Variants in PDE10A observed in about 807,000 individuals in gnomAD.
The protein encoded by PDE10A is cAMP and cAMP-inhibited cGMP 3',5'-cyclic phosphodiesterase 10A.
PDE10A carries 39 observed loss-of-function variants against 97.7 expected under a neutral mutation model. The ratio of observed to expected loss-of-function variants is 0.40; its 90% confidence interval spans 0.31 to 0.52. The LOEUF (loss-of-function observed/expected upper bound fraction) is 0.52. PDE10A is among the 20% of genes least tolerant of loss of function. The pLI is 0.56. For synonymous variants in PDE10A, 371 were observed against 376.8 expected (o/e 0.98, Z 0.18); for missense variants, 731 against 1,047.8 (o/e 0.70, Z 4.17).
chr6:165,810,312 G>A (rs1208266318), intron 1 of PDE10A, among the ~76,000 whole-genome samples: 1 of 152,186 alleles, frequency 6.6e-6, no homozygotes, highest in Non-Finnish European at 1.5e-5. Flanking sequence ...CTGTTGAATG[G>A]TGGGGTGTGG....
intron 10 of PDE10A, among the ~76,000 whole-genome samples, chr6:165,422,262 C>A (rs1562450613): frequency 6.6e-6 from 1 of 151,888 alleles, no homozygotes; most frequent in East Asian, 1.9e-4. Context: ...CTCCCTTATA[C>A]ACACACATAC....
At chr6:165,724,182 A>C (rs980060997) in intron 1 of PDE10A, among the ~76,000 whole-genome samples, 1 of 152,214 alleles carries the variant, frequency 6.6e-6, no homozygotes, top group African/African-American at 2.4e-5. Context: ...TACTAGGAAA[A>C]ATTGGAAAGT....
At chr6:165,386,971 G>A (rs374691784) in intron 17 of PDE10A, among the ~76,000 whole-genome samples, 4 of 151,908 alleles carry the variant, frequency 2.6e-5, no homozygotes, top group South Asian at 2.1e-4. Context: ...AGCCCAGATC[G>A]CGCCACTGCA....
chr6:165,417,830 G>T (rs1355575632), intron 11 of PDE10A, among the ~76,000 whole-genome samples: 27 of 152,150 alleles, frequency 1.8e-4, no homozygotes, highest in Admixed American at 1.8e-3. Context: ...CAAATAAACA[G>T]CAATCCTTAA....
At chr6:165,515,671 G>A (rs573610789) in intron 2 of PDE10A, among the ~76,000 whole-genome samples, 1 of 151,902 alleles carries the variant, frequency 6.6e-6, no homozygotes, top group Non-Finnish European at 1.5e-5. Context: ...CTACAGGCAT[G>A]CGCCATCATG....
chr6:165,353,154 A>G (rs1465169390), intron 18 of PDE10A, among the ~76,000 whole-genome samples: 1 of 152,226 alleles, frequency 6.6e-6, no homozygotes, highest in Admixed American at 6.5e-5. Flanking sequence ...CTACACATCT[A>G]TTAGAAAGGC....
chr6:165,722,059 T>C (rs1020846871), intron 1 of PDE10A, among the ~76,000 whole-genome samples: 5 of 152,238 alleles, frequency 3.3e-5, no homozygotes, highest in African/African-American at 1.2e-4. Flanking sequence ...TGTATACTTA[T>C]TCAAAAATGT....
chr6:165,612,322 C>T (rs1787533184), intron 1 of PDE10A, among the ~76,000 whole-genome samples: 1 of 152,144 alleles, frequency 6.6e-6, no homozygotes, highest in Admixed American at 6.5e-5. Context: ...TCCTTAATCC[C>T]ATACACTTTT....
At chr6:165,715,804 G>T (rs149196165) in intron 1 of PDE10A, among the ~76,000 whole-genome samples, 13 of 152,312 alleles carry the variant, frequency 8.5e-5, no homozygotes, top group African/African-American at 3.1e-4. Context: ...GTGGTCAGAA[G>T]GCAGGGGTTA....
chr6:165,829,839 C>A (rs1032537001), intron 1 of PDE10A, among the ~76,000 whole-genome samples: 7 of 152,174 alleles, frequency 4.6e-5, no homozygotes, highest in African/African-American at 1.4e-4. Flanking sequence ...GGCTCTCCCC[C>A]ACCTCTCAGC....
At chr6:165,847,132 C>G (rs1273226725) in intron 1 of PDE10A, among the ~76,000 whole-genome samples, 2 of 152,222 alleles carry the variant, frequency 1.3e-5, no homozygotes, top group East Asian at 1.9e-4. Flanking sequence ...CCATACACAC[C>G]TAATCACAGC....
At position 165,972,609 on chromosome 6, in the gene PDE10A, T is replaced by A. The variant is rs190159920; in HGVS notation, c.-615+14920A>T. Among the ~76,000 whole-genome samples the A allele has an allele frequency of 2.4e-4, 36 of 152,286 alleles. No individual in the cohort carries two copies. In the East Asian group the frequency reaches 6.4e-3, roughly 27 times the overall value. On this transcript the variant is annotated intron_variant, in intron 1 of 19. Coordinates refer to the PDE10A transcript ENST00000366882. Reference sequence around the variant, plus strand: ...CACTGTCAGCCAGCAGGGACAGTGATGACAGGAGTCTCCAGTGGCACTGAG... The same window carrying A: ...CACTGTCAGCCAGCAGGGACAGTGAAGACAGGAGTCTCCAGTGGCACTGAG...
upstream of PDE10A, among the ~76,000 whole-genome samples, chr6:165,665,309 G>T (rs1790470302): frequency 6.6e-6 from 1 of 152,210 alleles, no homozygotes; most frequent in Non-Finnish European, 1.5e-5. Flanking sequence ...CAGACATACA[G>T]GGTCTGTCAC....
intron 1 of PDE10A, among the ~76,000 whole-genome samples, chr6:165,825,677 A>T (rs911173679): frequency 6.6e-5 from 10 of 152,284 alleles, no homozygotes; most frequent in Admixed American, 2.6e-4. Flanking sequence ...CCAGCTTCCA[A>T]GGAGGTCGGT....
intron 1 of PDE10A, among the ~76,000 whole-genome samples, chr6:165,978,069 GT>G (rs1267820499): frequency 6.6e-6 from 1 of 152,172 alleles, no homozygotes; most frequent in Non-Finnish European, 1.5e-5. Context: ...GTGAACAATG[GT>G]TACCTGTGGG....
intron 12 of PDE10A, among the ~76,000 whole-genome samples, chr6:165,414,346 G>C (rs779066245): frequency 6.6e-6 from 1 of 152,146 alleles, no homozygotes; most frequent in Non-Finnish European, 1.5e-5. Context: ...CTCCTATTGT[G>C]AGGACATGTT....
chr6:165,619,389 A>AGTCTAGTGTACTG (rs1562634641), intron 1 of PDE10A, among the ~76,000 whole-genome samples: 1 of 3,062 alleles, frequency 3.3e-4, no homozygotes, highest in Non-Finnish European at 6.2e-4. Flanking sequence ...GTAGTCTAGT[A>AGTCTAGTGTACTG]TAGTGTAGTG....
At chr6:165,851,657 T>G (rs979064163) in intron 1 of PDE10A, among the ~76,000 whole-genome samples, 1 of 152,164 alleles carries the variant, frequency 6.6e-6, no homozygotes, top group Admixed American at 6.5e-5. Context: ...AGATTTGAGT[T>G]AGTTCTTGCA....
chr6:165,511,622 T>TC (rs564090501), intron 2 of PDE10A, among the ~76,000 whole-genome samples: 243 of 152,066 alleles, frequency 1.6e-3, no homozygotes, highest in Non-Finnish European at 2.7e-3. Flanking sequence ...ATGTTGAAAT[T>TC]CCCCACTCTC....
Sources: allele counts gnomAD v4.1 joint callset (sites outside exome capture counted in the v4.1 genomes callset), GRCh38; gene constraint gnomAD v4.1.1; transcripts MANE v1.5; gene names NCBI Gene and HGNC (gene_info 2026-07-23, HGNC 2026-07-21).